The following PALM2AKAP2 variants were observed in gnomAD, a reference collection of about 807,000 sequenced individuals.
PALM2AKAP2 encodes PALM2 and AKAP2 fusion, also known as PALM2-AKAP2 fusion protein.
Under a neutral mutation model 71.5 loss-of-function variants are expected in PALM2AKAP2, and 37 were observed. That is an observed-to-expected ratio of 0.52 (90% CI 0.40 to 0.68). The LOEUF (loss-of-function observed/expected upper bound fraction) is 0.68. Among genes scored for constraint, PALM2AKAP2 ranks in the 30% least tolerant of loss-of-function variants. The pLI, the probability that PALM2AKAP2 is intolerant of heterozygous loss-of-function variation, is 0.00. For synonymous variants in PALM2AKAP2, 468 were observed against 478.8 expected, an observed-to-expected ratio of 0.98 and a Z score of 0.29; for missense variants, 1,224 against 1,191.8, an observed-to-expected ratio of 1.03 and a Z score of -0.40.
At chr9:109,902,572 G>A (rs1587996297) in intron 3 of PALM2AKAP2, among the ~76,000 whole-genome samples, 1 of 152,380 alleles carries the variant, frequency 6.6e-6, no homozygotes, top group East Asian at 1.9e-4. Context: ...GGTGAGATGT[G>A]TCAGCATTGA....
At chr9:110,067,763 G>C (rs1670169709) in intron 1 of PALM2AKAP2, among the ~76,000 whole-genome samples, 1 of 152,168 alleles carries the variant, frequency 6.6e-6, no homozygotes, top group African/African-American at 2.4e-5. Flanking sequence ...GGCTAAAACT[G>C]AATTTTGGTG....
At chr9:109,881,704 C>T (rs1400844422) in intron 3 of PALM2AKAP2, among the ~76,000 whole-genome samples, 2 of 152,000 alleles carry the variant, frequency 1.3e-5, no homozygotes, top group East Asian at 1.9e-4. Flanking sequence ...TACTTGGGAG[C>T]TATAGCCACT....
chr9:109,831,201 C>T (rs904057884), intron 1 of PALM2AKAP2, among the ~76,000 whole-genome samples: 12 of 151,350 alleles, frequency 7.9e-5, no homozygotes, highest in African/African-American at 2.2e-4. Flanking sequence ...ATAGGGCACA[C>T]GTATTCTCCC....
intron 3 of PALM2AKAP2, among the ~76,000 whole-genome samples, chr9:109,918,710 A>C (rs909149332): frequency 5.9e-5 from 9 of 152,230 alleles, no homozygotes; most frequent in Admixed American, 4.6e-4. Flanking sequence ...CCCAGGACTC[A>C]GGTTTTCCTG....
intron 1 of PALM2AKAP2, among the ~76,000 whole-genome samples, chr9:110,094,201 A>G (rs1834781168): frequency 1.3e-5 from 2 of 152,204 alleles, no homozygotes; most frequent in African/African-American, 4.8e-5. Flanking sequence ...GCTGAGGCCC[A>G]TGTGTGTGAT....
chr9:109,856,174 A>T (rs933327008), intron 1 of PALM2AKAP2, among the ~76,000 whole-genome samples: 2 of 152,230 alleles, frequency 1.3e-5, no homozygotes, highest in Non-Finnish European at 2.9e-5. Context: ...TTGACTTAGC[A>T]GTTCTGCTGG....
intron 3 of PALM2AKAP2, among the ~76,000 whole-genome samples, chr9:110,164,938 T>C (rs1564343531): frequency 6.6e-6 from 1 of 152,158 alleles, no homozygotes; most frequent in Non-Finnish European, 1.5e-5. Context: ...CTTACAGCCA[T>C]TGGGCAGCCA....
chr9:110,076,431 G>A (rs948340525), intron 1 of PALM2AKAP2, among the ~76,000 whole-genome samples: 2 of 145,416 alleles, frequency 1.4e-5, no homozygotes, highest in African/African-American at 5.3e-5. Context: ...ATAAAATACT[G>A]GGTAAACTAG....
intron 1 of PALM2AKAP2, among the ~76,000 whole-genome samples, chr9:109,811,227 A>G (rs958433122): frequency 6.6e-5 from 10 of 152,130 alleles, no homozygotes; most frequent in African/African-American, 2.4e-4. Flanking sequence ...TAGGCAAAGT[A>G]TTGGATTTAA....
intron 1 of PALM2AKAP2, among the ~76,000 whole-genome samples, chr9:109,723,907 C>T (rs1828439394): frequency 6.6e-6 from 1 of 152,134 alleles, no homozygotes; most frequent in African/African-American, 2.4e-5. Context: ...GAAAACAAAT[C>T]AATGTTGGAA....
At chr9:110,001,991 T>C (rs1832690173) in intron 6 of PALM2AKAP2, among the ~76,000 whole-genome samples, 1 of 152,218 alleles carries the variant, frequency 6.6e-6, no homozygotes, top group Admixed American at 6.5e-5. Flanking sequence ...CTTTTCCTAA[T>C]TGAATACCCT....
intron 7 of PALM2AKAP2, among the ~76,000 whole-genome samples, chr9:110,040,060 A>AGAGAG (rs1463077759): frequency 6.6e-6 from 1 of 152,004 alleles, no homozygotes; most frequent in Non-Finnish European, 1.5e-5. Flanking sequence ...GGAGAGGAGA[A>AGAGAG]GAGAGGAGAG....
At chr9:109,832,754 C>A (rs143301544) in intron 1 of PALM2AKAP2, among the ~76,000 whole-genome samples, 123 of 152,288 alleles carry the variant, frequency 8.1e-4, no homozygotes, top group African/African-American at 2.8e-3. Flanking sequence ...AAAACCACTC[C>A]CCAGTCACAG....
intron 1 of PALM2AKAP2, among the ~76,000 whole-genome samples, chr9:109,655,261 T>C (rs1013549583): frequency 2.2e-5 from 3 of 139,148 alleles, no homozygotes; most frequent in African/African-American, 8.3e-5. Flanking sequence ...GATCGGCCAC[T>C]GCACTCCAGG....
At position 109,929,793 on chromosome 9, in the gene PALM2AKAP2, G is replaced by A. The variant is rs571104738; in HGVS notation, c.395-2134G>A. 2.1e-3 allele frequency among the ~76,000 whole-genome samples: 307 copies of A among 149,700 alleles called. 5 individuals carry two copies. The highest frequency in any genetic ancestry group is 4.6e-4 in the Non-Finnish European group (31 of 67,728). ...GCAGGAGAATGGCGTGAACCTGGGA[G>A]GCAGAGCTTGCAGTGAGCTGAGATT... On this transcript the variant is annotated intron_variant, in intron 5 of 9. Transcript: ENST00000302798.
Position 109,670,054 on chromosome 9 carries a change from G to T in PALM2AKAP2, c.5+29188G>T, listed in dbSNP as rs531867611. ...TATACATTTCCTTTTAAGTACATTA[G>T]ATGCATGCCACAAATTTTGATTTGT... On this transcript the variant is annotated intron_variant, in intron 1 of 6. Coordinates refer to the PALM2AKAP2 transcript ENST00000374531. Among the ~76,000 whole-genome samples, 3 of 151,928 alleles carry T rather than the reference G, an allele frequency of 2.0e-5. No individual in the cohort carries two copies. In the East Asian group the frequency reaches 5.8e-4, roughly 29 times the overall value.
At chr9:109,702,558 C>A (rs1293777070) in intron 1 of PALM2AKAP2, among the ~76,000 whole-genome samples, 1 of 136,690 alleles carries the variant, frequency 7.3e-6, no homozygotes. Context: ...CACATGGACA[C>A]AGGAAGGGGA....
At chr9:109,963,425 C>T (rs867787364) in intron 6 of PALM2AKAP2, among the ~76,000 whole-genome samples, 1 of 152,218 alleles carries the variant, frequency 6.6e-6, no homozygotes, top group Admixed American at 6.5e-5. Context: ...TTATAACCAG[C>T]CCATCCTACA....
intron 1 of PALM2AKAP2, among the ~76,000 whole-genome samples, chr9:109,811,926 A>G (rs1380846338): frequency 6.6e-6 from 1 of 152,238 alleles, no homozygotes; most frequent in African/African-American, 2.4e-5. Flanking sequence ...ACCAAATATA[A>G]GGCACTGTAG....
Sources: gnomAD v4.1 joint callset for allele counts (sites outside exome capture counted in the v4.1 genomes callset) on GRCh38, gnomAD v4.1.1 for gene constraint, MANE v1.5 for transcripts, NCBI Gene and HGNC (gene_info 2026-07-23, HGNC 2026-07-21) for gene names.